CCSER1: variants seen among roughly 807,000 people sequenced by gnomAD.
CCSER1 encodes serine-rich coiled-coil domain-containing protein 1.
A neutral mutation model predicts 82.0 loss-of-function variants in CCSER1; 41 were observed. The observed-to-expected ratio is 0.50, with a 90% CI of 0.39 to 0.65. The LOEUF (loss-of-function observed/expected upper bound fraction) is 0.65. CCSER1 is among the 30% of genes least tolerant of loss of function. The pLI is 0.00. For missense variants in CCSER1, 1,119 were observed against 1,064.2 expected (o/e 1.05, Z -0.72); for synonymous variants, 414 against 383.9 (o/e 1.08, Z -0.92).
intron 10 of CCSER1, among the ~76,000 whole-genome samples, chr4:91,352,138 T>C (rs1380273476): frequency 1.3e-5 from 2 of 152,254 alleles, no homozygotes; most frequent in Non-Finnish European, 2.9e-5. Flanking sequence ...ATAATAGCTA[T>C]ATACCAATTT....
At chr4:90,646,911 A>T (rs547856968) in intron 6 of CCSER1, among the ~76,000 whole-genome samples, 15 of 152,082 alleles carry the variant, frequency 9.9e-5, no homozygotes, top group African/African-American at 3.6e-4. Flanking sequence ...ATTTCCTTAC[A>T]CAGAACGCAA....
chr4:90,954,527 A>C (rs1733233627), intron 9 of CCSER1, among the ~76,000 whole-genome samples: 1 of 152,100 alleles, frequency 6.6e-6, no homozygotes. Context: ...TCTCATCCCA[A>C]GTAGCTGATA....
intron 8 of CCSER1, among the ~76,000 whole-genome samples, chr4:90,891,883 T>A (rs1035814841): frequency 6.6e-6 from 1 of 152,090 alleles, no homozygotes; most frequent in African/African-American, 2.4e-5. Flanking sequence ...ATTTTGACAG[T>A]TCCTTAAAGA....
chr4:90,753,274 T>C (rs907222076), intron 7 of CCSER1, among the ~76,000 whole-genome samples: 3 of 152,134 alleles, frequency 2.0e-5, no homozygotes, highest in African/African-American at 7.2e-5. Context: ...TTGTCTCTGG[T>C]GAAGGAGAAT....
chr4:90,140,092 A>G (rs1334298993), intron 1 of CCSER1, among the ~76,000 whole-genome samples: 5 of 152,262 alleles, frequency 3.3e-5, no homozygotes, highest in Non-Finnish European at 5.9e-5. Context: ...TATGTCAAAT[A>G]ATATGGTCAT....
intron 10 of CCSER1, among the ~76,000 whole-genome samples, chr4:91,474,812 T>TATATATATACACAC (rs1560700770): frequency 3.0e-5 from 2 of 66,122 alleles, no homozygotes; most frequent in Non-Finnish European, 5.9e-5. Flanking sequence ...TATATATATA[T>TATATATATACACAC]ACACACACAC....
chr4:91,594,354 T>TAC lies in CCSER1; in HGVS notation c.2218-4214_2218-4213dup, dbSNP rs530562030. 3.5e-4 allele frequency among the ~76,000 whole-genome samples: 52 copies of TAC among 146,738 alleles called. 1 individual carries two copies. In the South Asian group the frequency reaches 0.011, roughly 30 times the overall value. On this transcript the variant is annotated intron_variant, in intron 10 of 10. Transcript: ENST00000509176. ...GTACACACATATATATACATATATATACACATATATATACACATATATATA... is the reference window on the plus strand; with the variant it reads ...GTACACACATATATATACATATATATACACACATATATATACACATATATATA...
At chr4:91,344,216 A>C (rs577144487) in intron 10 of CCSER1, among the ~76,000 whole-genome samples, 2 of 152,280 alleles carry the variant, frequency 1.3e-5, no homozygotes, top group Admixed American at 1.3e-4. Flanking sequence ...ATGTGAGAAC[A>C]CATAGAATGC....
chr4:90,243,839 G>A (rs1720891959), intron 1 of CCSER1, among the ~76,000 whole-genome samples: 1 of 151,846 alleles, frequency 6.6e-6, no homozygotes, highest in Non-Finnish European at 1.5e-5. Context: ...TCTTACAAGT[G>A]GGAACCTTTT....
chr4:91,079,096 C>T (rs113325569), intron 9 of CCSER1, among the ~76,000 whole-genome samples: 4,308 of 152,104 alleles, frequency 0.028, 206 homozygotes, highest in African/African-American at 0.097. Flanking sequence ...AGATACTCCT[C>T]GAGAAGAGCA....
At chr4:90,787,118 T>C (rs1363721115) in intron 7 of CCSER1, among the ~76,000 whole-genome samples, 1 of 152,196 alleles carries the variant, frequency 6.6e-6, no homozygotes, top group Non-Finnish European at 1.5e-5. Context: ...CTCTACACCT[T>C]CATTCAGATA....
chr4:90,541,789 A>G (rs1417923013), intron 5 of CCSER1, among the ~76,000 whole-genome samples: 1 of 151,904 alleles, frequency 6.6e-6, no homozygotes, highest in African/African-American at 2.4e-5. Flanking sequence ...AACTGTTTTC[A>G]AAACTGGCAC....
chr4:90,475,752 C>G (rs1764988220), intron 5 of CCSER1, among the ~76,000 whole-genome samples: 1 of 152,158 alleles, frequency 6.6e-6, no homozygotes, highest in South Asian at 2.1e-4. Flanking sequence ...GCAAAGGACT[C>G]TCATGCACCC....
rs542277415 is a variant in CCSER1 at position 91,366,419 on chromosome 4, G to A, written c.2218-232153G>A. Among the ~76,000 whole-genome samples the A allele has an allele frequency of 9.9e-5, 15 of 152,252 alleles. No individual in the cohort carries two copies. The East Asian group carries it at 1.7e-3, about 18-fold the overall frequency. On this transcript the variant is annotated intron_variant, in intron 10 of 10. Coordinates refer to ENST00000509176, the MANE Select transcript of CCSER1 (RefSeq NM_001145065.2). ...ACCATTTATCTGTAAATATTTTACT[G>A]TGAATCTCTAAACAAAAATCACAAT... is the stretch of plus-strand genomic sequence containing the variant.
intron 5 of CCSER1, among the ~76,000 whole-genome samples, chr4:90,573,277 A>T (rs554754799): frequency 4.3e-4 from 66 of 152,266 alleles, no homozygotes; most frequent in Non-Finnish European, 7.8e-4. Flanking sequence ...TACAGCAGGC[A>T]TCTTTCTGGG....
chr4:90,964,691 T>C (rs868322747), intron 9 of CCSER1, among the ~76,000 whole-genome samples: 11 of 138,726 alleles, frequency 7.9e-5, no homozygotes, highest in Middle Eastern at 4.3e-3. Context: ...TGCCACTGCA[T>C]TCCAGCCTGG....
intron 5 of CCSER1, among the ~76,000 whole-genome samples, chr4:90,471,305 TG>T (rs1316250700): frequency 2.6e-5 from 4 of 152,058 alleles, no homozygotes; most frequent in Admixed American, 1.3e-4. Flanking sequence ...CACTGTGGCT[TG>T]CACCTATACT....
chr4:91,371,475 G>T (rs757460583), intron 10 of CCSER1, among the ~76,000 whole-genome samples: 1 of 151,966 alleles, frequency 6.6e-6, no homozygotes, highest in Non-Finnish European at 1.5e-5. Context: ...ATGTCCTTCA[G>T]TTCCATTTAT....
At position 90,598,842 on chromosome 4, in the gene CCSER1, C is replaced by A. The variant is rs576798134; in HGVS notation, c.1725-29183C>A. Among the ~76,000 whole-genome samples, 3 of 152,142 alleles carry A rather than the reference C, an allele frequency of 2.0e-5. No homozygotes were observed. In the South Asian group the frequency reaches 6.2e-4, roughly 32 times the overall value. On this transcript the variant is annotated intron_variant, in intron 5 of 10. Coordinates refer to ENST00000509176, the MANE Select transcript of CCSER1 (RefSeq NM_001145065.2). Reference sequence around the variant, plus strand: ...AGAATGGGGAGATGAGCCTCTGAGGCACCTTGTTCCCAGAGTAGGGAGCTA... The same window carrying A: ...AGAATGGGGAGATGAGCCTCTGAGGAACCTTGTTCCCAGAGTAGGGAGCTA...
Sources: gnomAD v4.1 joint callset for allele counts (sites outside exome capture counted in the v4.1 genomes callset) on GRCh38, gnomAD v4.1.1 for gene constraint, MANE v1.5 for transcripts, NCBI Gene and HGNC (gene_info 2026-07-23, HGNC 2026-07-21) for gene names.